SNTG1: variants seen among roughly 807,000 people sequenced by gnomAD.
SNTG1 encodes the protein syntrophin gamma 1.
In SNTG1, 39 loss-of-function variants were observed where a neutral mutation model predicts 74.7. The ratio of observed to expected loss-of-function variants is 0.52; its 90% CI spans 0.40 to 0.68. The LOEUF (loss-of-function observed/expected upper bound fraction) is 0.68, where lower values mean the gene tolerates loss of function less well. Ranked by LOEUF, SNTG1 falls within the 30% of genes least tolerant of loss-of-function variation. SNTG1 has a pLI of 0.00. For synonymous variants in SNTG1, 254 were observed against 217.1 expected, an observed-to-expected ratio of 1.17 and a Z score of -1.49; for missense variants, 685 against 609.5, an observed-to-expected ratio of 1.12 and a Z score of -1.30.
At chr8:50,593,208 G>C (rs964447105) in intron 13 of SNTG1, among the ~76,000 whole-genome samples, 1 of 152,056 alleles carries the variant, frequency 6.6e-6, no homozygotes, top group African/African-American at 2.4e-5. Flanking sequence ...CCTAACCAGA[G>C]AAATTAAAAT....
intron 4 of SNTG1, among the ~76,000 whole-genome samples, chr8:50,426,855 T>G (rs1036789584): frequency 1.3e-5 from 2 of 152,114 alleles, no homozygotes; most frequent in African/African-American, 4.8e-5. Context: ...AGCAATAACG[T>G]ATAATAACTA....
At chr8:50,591,363 C>G (rs1193438728) in intron 13 of SNTG1, among the ~76,000 whole-genome samples, 4 of 152,032 alleles carry the variant, frequency 2.6e-5, no homozygotes, top group Non-Finnish European at 4.4e-5. Flanking sequence ...AAACCTCTTA[C>G]TCTTGATATC....
chr8:50,394,091 A>G (rs2092697626), intron 2 of SNTG1, 121 bp from the exon 3 acceptor site: 5 of 644,440 alleles, frequency 7.8e-6, no homozygotes, highest in South Asian at 2.3e-5. Context: ...CTTGTTCCTT[A>G]CAAGTGGTTG....
intron 18 of SNTG1, among the ~76,000 whole-genome samples, chr8:50,763,805 C>T (rs1421567119): frequency 1.4e-5 from 2 of 141,380 alleles, no homozygotes; most frequent in Admixed American, 7.7e-5. Context: ...AAATTTTTTA[C>T]CAAAATTTCA....
rs185536786 is a variant in SNTG1 at position 50,285,673 on chromosome 8, G to A, written c.-27-108539G>A. Among the ~76,000 whole-genome samples, 48 of 151,906 alleles carry A rather than the reference G, an allele frequency of 3.2e-4. No individual in the cohort carries two copies. The East Asian group carries it at 8.4e-3, about 26-fold the overall frequency. Reference sequence around the variant, plus strand: ...ATATGCACAGATAAATGACTAAATTGAGTTCATCAATAAAAATGGCGACTT... The same window carrying A: ...ATATGCACAGATAAATGACTAAATTAAGTTCATCAATAAAAATGGCGACTT... On this transcript the variant is annotated intron_variant, in intron 2 of 18. Transcript: ENST00000642720.
chr8:50,104,325 C>G (rs555230822), intron 1 of SNTG1, among the ~76,000 whole-genome samples: 69 of 152,176 alleles, frequency 4.5e-4, no homozygotes, highest in Non-Finnish European at 8.1e-4. Flanking sequence ...TCCATTTCTT[C>G]TAGATTTTCT....
chr8:50,377,841 G>C (rs1367282345), intron 2 of SNTG1, among the ~76,000 whole-genome samples: 1 of 152,142 alleles, frequency 6.6e-6, no homozygotes, highest in Admixed American at 6.5e-5. Context: ...TGTTCCTCAG[G>C]GGTGAACAGA....
At chr8:50,108,922 G>A (rs920891063) in intron 1 of SNTG1, among the ~76,000 whole-genome samples, 1 of 152,280 alleles carries the variant, frequency 6.6e-6, no homozygotes, top group African/African-American at 2.4e-5. Context: ...CCTGTCTGGA[G>A]CAATCTTAGC....
chr8:50,060,085 A>G (rs1563535871), intron 1 of SNTG1, among the ~76,000 whole-genome samples: 1 of 151,912 alleles, frequency 6.6e-6, no homozygotes, highest in African/African-American at 2.4e-5. Flanking sequence ...TTTGATTGGC[A>G]TTTTCCTGAT....
rs368455811 is a variant in SNTG1, at chr8:50,425,264, G to GTGGGGAAC, written c.163-13279_163-13278insTGGGGAAC. On this transcript the variant is annotated intron_variant, in intron 4 of 18. Transcript: ENST00000642720. ...TACCAGTCAGCAGGAGGTGACTGCT[G>GTGGGGAAC]CTGGTCACACAGCAGGAGGTGAGCG... 2.0e-5 allele frequency among the ~76,000 whole-genome samples: 3 copies of GTGGGGAAC among 151,682 alleles called. No individual in the cohort carries two copies. In the East Asian group the frequency reaches 5.8e-4, roughly 30 times the overall value.
intron 1 of SNTG1, among the ~76,000 whole-genome samples, chr8:49,927,128 A>G (rs1807100083): frequency 6.6e-6 from 1 of 152,208 alleles, no homozygotes; most frequent in African/African-American, 2.4e-5. Context: ...GAATGTGGGG[A>G]AACAGAAACT....
intron 2 of SNTG1, among the ~76,000 whole-genome samples, chr8:50,176,501 G>T (rs773505678): frequency 6.6e-6 from 1 of 152,090 alleles, no homozygotes; most frequent in Non-Finnish European, 1.5e-5. Context: ...TTGTTTCCTG[G>T]ATCTGACTGC....
chr8:50,139,549 A>G (rs550705657), intron 1 of SNTG1, among the ~76,000 whole-genome samples: 2 of 152,310 alleles, frequency 1.3e-5, no homozygotes, highest in South Asian at 4.1e-4. Context: ...ATCCCCAAAT[A>G]TATGCTAAAA....
At chr8:50,272,677 C>A (rs1363897524) in intron 2 of SNTG1, among the ~76,000 whole-genome samples, 1 of 152,142 alleles carries the variant, frequency 6.6e-6, no homozygotes, top group Non-Finnish European at 1.5e-5. Flanking sequence ...GAGCCATGAA[C>A]CTTGATTTGT....
chr8:50,507,845 C>G (rs1016205576), intron 9 of SNTG1, among the ~76,000 whole-genome samples: 1 of 151,710 alleles, frequency 6.6e-6, no homozygotes, highest in African/African-American at 2.4e-5. Flanking sequence ...TCCCCACACC[C>G]CCAAACAAGC....
intron 15 of SNTG1, among the ~76,000 whole-genome samples, chr8:50,700,850 G>A (rs1481116755): frequency 1.3e-5 from 2 of 152,192 alleles, no homozygotes; most frequent in Non-Finnish European, 2.9e-5. Context: ...TTCATGAGAA[G>A]TATATTATAA....
At chr8:50,450,470 A>G (rs2093445440) in intron 6 of SNTG1, 86 bp from the exon 7 acceptor site, 22 of 1,387,012 alleles carry the variant, frequency 1.6e-5, no homozygotes, top group Non-Finnish European at 2.1e-5. Context: ...TATATTTGTA[A>G]ATTTTACCTT....
chr8:50,669,711 T>C lies in SNTG1; in HGVS notation c.1038+11048T>C, dbSNP rs532610293. Among the ~76,000 whole-genome samples, 343 of 152,286 alleles carry C rather than the reference T, an allele frequency of 2.3e-3. 4 individuals are homozygous for C. The highest frequency in any genetic ancestry group is 7.7e-3 in the East Asian group (40 of 5,168). On this transcript the variant is annotated intron_variant, in intron 15 of 18. Coordinates refer to ENST00000642720, the MANE Select transcript of SNTG1 (RefSeq NM_018967.5). Reference sequence around the variant, plus strand: ...TTTTATGAGGCCAGCATCATCCTGATACAAAAGCCTGGCAGAGACACAACC... The same window carrying C: ...TTTTATGAGGCCAGCATCATCCTGACACAAAAGCCTGGCAGAGACACAACC...
intron 18 of SNTG1, among the ~76,000 whole-genome samples, chr8:50,778,697 C>G (rs1563830295): frequency 6.9e-6 from 1 of 145,114 alleles, no homozygotes; most frequent in East Asian, 2.0e-4. Context: ...TGCAGAAGCT[C>G]TTTAGTTTAA....
Sources: allele counts gnomAD v4.1 joint callset (sites outside exome capture counted in the v4.1 genomes callset), GRCh38; gene constraint gnomAD v4.1.1; transcripts MANE v1.5; gene names NCBI Gene and HGNC (gene_info 2026-07-23, HGNC 2026-07-21).